Variants in RBFOX1 observed in about 807,000 individuals in gnomAD.
RBFOX1 encodes the protein RNA binding fox-1 homolog 1, also known as RNA binding protein fox-1 homolog 1.
A neutral mutation model predicts 57.7 loss-of-function variants in RBFOX1; 8 were observed. That is an observed-to-expected ratio of 0.14 (90% confidence interval 0.08 to 0.25). RBFOX1 has a LOEUF of 0.25. Among genes scored for constraint, RBFOX1 ranks in the 10% least tolerant of loss-of-function variants. The pLI is 1.00. For missense variants in RBFOX1, 611 were observed against 548.5 expected, an observed-to-expected ratio of 1.11 and a Z score of -1.14; for synonymous variants, 326 against 222.4, an observed-to-expected ratio of 1.47 and a Z score of -4.15.
At chr16:7,664,806 C>T (rs749722427) in intron 12 of RBFOX1, 123 bp from the exon 13 acceptor site, 91 of 1,567,314 alleles carry the variant, frequency 5.8e-5, no homozygotes, top group Non-Finnish European at 7.3e-5. Context: ...AATGTGAAAA[C>T]GATCCTCGGT....
chr16:5,528,846 C>T (rs1255271000), intron 2 of RBFOX1, among the ~76,000 whole-genome samples: 3 of 152,082 alleles, frequency 2.0e-5, no homozygotes, highest in Non-Finnish European at 4.4e-5. Flanking sequence ...GGTGAGGTTT[C>T]ACCATGTTGG....
intron 2 of RBFOX1, among the ~76,000 whole-genome samples, chr16:6,481,945 G>C (rs2095377417): frequency 6.6e-6 from 1 of 151,990 alleles, no homozygotes; most frequent in Admixed American, 6.6e-5. Context: ...TCCTCGTTTT[G>C]TTCCTGGTAT....
chr16:6,851,504 G>T (rs2094061101), intron 3 of RBFOX1, among the ~76,000 whole-genome samples: 1 of 152,102 alleles, frequency 6.6e-6, no homozygotes, highest in African/African-American at 2.4e-5. Flanking sequence ...CTTAGAGTTT[G>T]AAAGATATTC....
Position 7,227,389 on chromosome 16 carries a change from G to A in RBFOX1, c.27+175291G>A, listed in dbSNP as rs193215992. ...TAGCTCACTGCATAATCCTCCTCTC[G>A]TAACCTTCAACTCCACAATGCAGGA... On this transcript the variant is annotated intron_variant, in intron 4 of 15. Transcript: ENST00000550418. Among the ~76,000 whole-genome samples, 188 of 148,820 alleles carry A rather than the reference G, an allele frequency of 1.3e-3. 1 individual carries two copies. The highest frequency in any genetic ancestry group is 2.2e-3 in the South Asian group (10 of 4,650).
At chr16:5,705,111 A>G (rs1054562910) in intron 3 of RBFOX1, among the ~76,000 whole-genome samples, 2 of 152,208 alleles carry the variant, frequency 1.3e-5, no homozygotes, top group African/African-American at 4.8e-5. Context: ...AATTATTATT[A>G]GTAAAGATAG....
chr16:7,346,156 C>G (rs1001047950), intron 4 of RBFOX1, among the ~76,000 whole-genome samples: 2 of 152,158 alleles, frequency 1.3e-5, no homozygotes, highest in African/African-American at 4.8e-5. Context: ...AGGACATGAA[C>G]TCATCCTTTT....
chr16:6,102,299 T>C (rs941482102), intron 1 of RBFOX1, among the ~76,000 whole-genome samples: 1 of 152,182 alleles, frequency 6.6e-6, no homozygotes, highest in Non-Finnish European at 1.5e-5. Context: ...AGAAAGAATG[T>C]TGTGACATCA....
rs938865303 is a variant in RBFOX1, at chr16:7,094,640, T to G, written c.27+42542T>G. Among the ~76,000 whole-genome samples the G allele has an allele frequency of 1.4e-4, 22 of 151,996 alleles. No homozygotes were observed. In the South Asian group the frequency reaches 4.4e-3, roughly 30 times the overall value. On this transcript the variant is annotated intron_variant, in intron 4 of 15. Transcript: ENST00000550418. Reference sequence around the variant, plus strand: ...CATTTCTTTTGAAGTTTTTTTTTTTTTTTTTTAAATCATTACATTGTTCAC... The same window carrying G: ...CATTTCTTTTGAAGTTTTTTTTTTTGTTTTTTAAATCATTACATTGTTCAC...
chr16:6,898,968 T>C (rs570715428), intron 3 of RBFOX1, among the ~76,000 whole-genome samples: 14 of 151,854 alleles, frequency 9.2e-5, no homozygotes, highest in Non-Finnish European at 1.8e-4. Context: ...TGTGTATGTG[T>C]ATGATGTGTG....
intron 1 of RBFOX1, among the ~76,000 whole-genome samples, chr16:5,310,019 G>T (rs967471899): frequency 1.3e-5 from 2 of 152,136 alleles, no homozygotes; most frequent in African/African-American, 4.8e-5. Context: ...TTTTGGCTTA[G>T]CCATGGATGC....
At chr16:5,772,646 G>A (rs532114429) in intron 3 of RBFOX1, among the ~76,000 whole-genome samples, 8 of 152,196 alleles carry the variant, frequency 5.3e-5, no homozygotes, top group African/African-American at 1.9e-4. Context: ...ATCTATTCTG[G>A]AAGAAACAGG....
At chr16:7,062,340 AAAAG>A in intron 4 of RBFOX1, among the ~76,000 whole-genome samples, 1 of 104,684 alleles carries the variant, frequency 9.6e-6, no homozygotes, top group African/African-American at 3.9e-5. Flanking sequence ...AAAAAAAAAG[AAAAG>A]AAAAAAGGAA....
In RBFOX1 at chr16:5,270,354, G is replaced by A. The variant is rs914167486; in HGVS notation, c.219+30249G>A. The A allele has an allele frequency of 1.5e-5, 16 of 1,071,626 alleles. No homozygotes were observed. In the East Asian group the frequency reaches 3.8e-4, roughly 25 times the overall value. The allele number at this position is 1,071,626 out of a possible 1,614,324, so 66.4% of individuals were successfully genotyped here. On this transcript the variant is annotated intron_variant, in intron 1 of 2. Coordinates refer to the RBFOX1 transcript ENST00000585867. The stretch of plus-strand genomic sequence containing the variant: ...CGAGGAACCCAAATTGCATCTGATG[G>A]TCTCAAGGGTCTTGTGTTTGAAGTG...
rs936338782 is a variant in RBFOX1, at chr16:7,308,279, C to T, written c.28-209868C>T. 1.4e-5 allele frequency among the ~76,000 whole-genome samples: 2 copies of T among 138,870 alleles called. 1 individual carries two copies. Among genetic ancestry groups the T allele is most frequent in the Middle Eastern group, 7.5e-3 (2 of 266 alleles). 91.1% of individuals were successfully genotyped at this position (138,870 alleles called of 152,430 possible). On this transcript the variant is annotated intron_variant, in intron 4 of 15. Transcript: ENST00000550418. ...TCGTTTTCTGATGCAAACTGCGTGTCAGATTCCACCCAGAGCTGTTTTTTT... is the reference window on the plus strand; with the variant it reads ...TCGTTTTCTGATGCAAACTGCGTGTTAGATTCCACCCAGAGCTGTTTTTTT...
At chr16:6,751,671 C>T (rs936725930) in intron 3 of RBFOX1, among the ~76,000 whole-genome samples, 3 of 152,030 alleles carry the variant, frequency 2.0e-5, no homozygotes, top group Non-Finnish European at 2.9e-5. Context: ...TTCTTGAGTC[C>T]GTTGGTTATC....
At chr16:7,706,729 A>T (rs1275699768) in intron 14 of RBFOX1, among the ~76,000 whole-genome samples, 1 of 152,178 alleles carries the variant, frequency 6.6e-6, no homozygotes, top group Non-Finnish European at 1.5e-5. Flanking sequence ...TAAGTACCTT[A>T]AAAATAACCC....
chr16:6,879,134 A>G (rs1313390390), intron 3 of RBFOX1, among the ~76,000 whole-genome samples: 1 of 152,234 alleles, frequency 6.6e-6, no homozygotes. Flanking sequence ...TCATTTCAGC[A>G]GGACAGACAA....
intron 1 of RBFOX1, among the ~76,000 whole-genome samples, chr16:6,277,025 T>C (rs1202207223): frequency 2.0e-5 from 3 of 152,212 alleles, no homozygotes; most frequent in Non-Finnish European, 4.4e-5. Context: ...CCTGGTTAAA[T>C]GAGTGTTTTT....
At chr16:7,254,127 C>T (rs995933988) in intron 4 of RBFOX1, among the ~76,000 whole-genome samples, 4 of 152,112 alleles carry the variant, frequency 2.6e-5, no homozygotes, top group Admixed American at 6.5e-5. Context: ...CTCACATCAA[C>T]CCTGTGACCC....
Sources: allele counts gnomAD v4.1 joint callset (sites outside exome capture counted in the v4.1 genomes callset), GRCh38; gene constraint gnomAD v4.1.1; transcripts MANE v1.5; gene names NCBI Gene and HGNC (gene_info 2026-07-23, HGNC 2026-07-21).